RBM41: variants seen among roughly 807,000 people sequenced by gnomAD.
RBM41 encodes RNA binding motif protein 41.
A neutral mutation model predicts 30.8 loss-of-function variants in RBM41; 14 were observed. That is an observed-to-expected ratio of 0.45 (90% confidence interval 0.30 to 0.71). The LOEUF (loss-of-function observed/expected upper bound fraction) is 0.71. RBM41 is among the 30% of genes least tolerant of loss of function. The pLI is 0.08. For synonymous variants in RBM41, 120 were observed against 110.1 expected, an observed-to-expected ratio of 1.09 and a Z score of -0.56; for missense variants, 276 against 326.3, an observed-to-expected ratio of 0.85 and a Z score of 1.19.
At chrX:107,075,529 C>G (rs1347627698) in intron 6 of RBM41, among the ~76,000 whole-genome samples, 2 of 111,778 alleles carry the variant, frequency 1.8e-5, no homozygotes, top group African/African-American at 3.2e-5. Flanking sequence ...ATAAGGAACT[C>G]TACAACTTGA....
At chrX:107,100,775 C>T (rs1432513167) in intron 5 of RBM41, among the ~76,000 whole-genome samples, 1 of 111,281 alleles carries the variant, frequency 9.0e-6, no homozygotes, top group Admixed American at 9.6e-5. Flanking sequence ...CTCCTGCACA[C>T]GTGTCCCAGA....
chrX:107,092,934 T>TAAG (rs1225002144), intron 5 of RBM41, among the ~76,000 whole-genome samples: 1 of 111,921 alleles, frequency 8.9e-6, no homozygotes, highest in African/African-American at 3.2e-5. Context: ...TTGCTATTTA[T>TAAG]AATTGCCCAG....
Position 107,097,150 on chromosome X carries a change from T to C in RBM41, c.596-8311A>G, listed in dbSNP as rs772183403. ...AAAATGATACAACCACATTAGGAAA[T>C]AGTCAATTCCTCAAATTGGTTATAC... On this transcript the variant is annotated intron_variant, in intron 5 of 7. Coordinates refer to ENST00000685964, the MANE Select transcript of RBM41 (RefSeq NM_001324242.2). Among the ~76,000 whole-genome samples, 52 of 111,871 alleles carry C rather than the reference T, an allele frequency of 4.6e-4. 1 individual carries two copies. The highest frequency in any genetic ancestry group is 2.8e-4 in the East Asian group (1 of 3,570).
intron 7 of RBM41, among the ~76,000 whole-genome samples, chrX:107,067,902 A>C (rs1200113492): frequency 2.7e-5 from 3 of 111,852 alleles, no homozygotes; most frequent in African/African-American, 9.7e-5. Context: ...AAAACTCAAA[A>C]TCGGTGTTTG....
chrX:107,110,743 G>A (rs905857104), intron 5 of RBM41, among the ~76,000 whole-genome samples: 1 of 111,412 alleles, frequency 9.0e-6, no homozygotes, highest in African/African-American at 3.2e-5. Flanking sequence ...ATAAAGACAG[G>A]TATATATAGT....
intron 5 of RBM41, among the ~76,000 whole-genome samples, chrX:107,103,689 T>C (rs1429195251): frequency 3.6e-5 from 4 of 111,897 alleles, no homozygotes; most frequent in South Asian, 7.5e-4. Flanking sequence ...CATACGACAA[T>C]ATGAATGAAT....
downstream of RBM41, among the ~76,000 whole-genome samples, chrX:107,060,253 GAA>G (rs368454963): frequency 1.0e-5 from 1 of 96,416 alleles, no homozygotes. Context: ...AATATAGAGT[GAA>G]AAAAAAAAAA....
At chrX:107,083,944 A>G (rs1309708312) in intron 6 of RBM41, among the ~76,000 whole-genome samples, 1 of 106,621 alleles carries the variant, frequency 9.4e-6, no homozygotes. Context: ...CATACGTTAT[A>G]ATTTCTTTTG....
intron 5 of RBM41, among the ~76,000 whole-genome samples, chrX:107,096,161 A>C (rs1417851393): frequency 8.9e-6 from 1 of 112,688 alleles, no homozygotes; most frequent in East Asian, 2.8e-4. Flanking sequence ...TTGTATTAAA[A>C]GATTAATGAT....
chrX:107,118,736 TTGC>T (rs1317390023), intron 1 of RBM41, 27 bp downstream of exon 1: 2 of 1,209,751 alleles, frequency 1.7e-6, no homozygotes, highest in African/African-American at 1.7e-5. Flanking sequence ...AAAGCTCCCC[TTGC>T]CGCCTGCTCT....
Position 107,079,290 on chromosome X carries a change from T to C in RBM41, c.999+9146A>G, listed in dbSNP as rs185815267. On this transcript the variant is annotated intron_variant, in intron 6 of 7. Transcript: ENST00000685964. ...CTGTAAACCATTATCACATGGATCA[T>C]TTCAGCTTCCTCCCTTTACTTATCT... Among the ~76,000 whole-genome samples the C allele has an allele frequency of 4.5e-3, 507 of 112,427 alleles. 2 individuals are homozygous for C. The highest frequency in any genetic ancestry group is 0.016 in the African/African-American group (485 of 31,014).
intron 5 of RBM41, among the ~76,000 whole-genome samples, chrX:107,093,406 A>G (rs768242409): frequency 4.7e-4 from 53 of 112,214 alleles, no homozygotes; most frequent in African/African-American, 1.6e-3. Flanking sequence ...TGTAACCACA[A>G]TGGACATACA....
intron 5 of RBM41, among the ~76,000 whole-genome samples, chrX:107,111,330 C>T (rs1208615898): frequency 1.8e-5 from 2 of 111,108 alleles, no homozygotes; most frequent in Non-Finnish European, 3.8e-5. Context: ...GAAATCAAAA[C>T]CACAATAAGA....
Position 107,062,378 on chromosome X carries a change from TCTAC to T in RBM41, c.*5145_*5148del, listed in dbSNP as rs972940200. Among the ~76,000 whole-genome samples the T allele has an allele frequency of 6.5e-4, 73 of 111,739 alleles. No homozygotes were observed. Among genetic ancestry groups the T allele is most frequent in the African/African-American group, 2.2e-3 (69 of 30,811 alleles). ...CTAGTAAAAAGCAGAGGTGAAATTT[TCTAC>T]CTAACAGGAAGCACTTCCTTCTAAA... On this transcript the variant is annotated 3_prime_UTR_variant, in exon 8 of 8. Coordinates refer to ENST00000685964, the MANE Select transcript of RBM41 (RefSeq NM_001324242.2).
Position 107,065,948 on chromosome X carries a change from G to A in RBM41, c.*1579C>T, listed in dbSNP as rs773094296. 1.6e-4 allele frequency among the ~76,000 whole-genome samples: 18 copies of A among 112,167 alleles called. No individual in the cohort carries two copies. Among genetic ancestry groups the A allele is most frequent in the Non-Finnish European group, 2.6e-4 (14 of 53,148 alleles). On this transcript the variant is annotated 3_prime_UTR_variant, in exon 8 of 8. Coordinates refer to ENST00000685964, the MANE Select transcript of RBM41 (RefSeq NM_001324242.2). ...TGCATGTGTGTAGATTCAGATTACT[G>A]TCTGTGGTCACTTGCTTTCAGGCTG...
At position 107,063,952 on chromosome X, in the gene RBM41, CTTTTTTT is replaced by C. The variant is rs1202676973; in HGVS notation, c.*3568_*3574del. 1.1e-5 allele frequency among the ~76,000 whole-genome samples: 1 copy of C among 90,915 alleles called. No individual in the cohort carries two copies. Among genetic ancestry groups the C allele is most frequent in the Non-Finnish European group, 2.2e-5 (1 of 45,752 alleles). The allele number at this position is 90,915 out of a possible 115,157, so 78.9% of individuals were successfully genotyped here. On this transcript the variant is annotated 3_prime_UTR_variant, in exon 8 of 8. Transcript: ENST00000685964. ...AGGTTAGTGCTATGGTCTTTCTTTT[CTTTTTTT>C]TTTTTTTTTTGAGATGGAGTCTCGC...
intron 5 of RBM41, among the ~76,000 whole-genome samples, chrX:107,112,264 G>A (rs1441668632): frequency 9.0e-6 from 1 of 111,384 alleles, no homozygotes; most frequent in East Asian, 2.8e-4. Context: ...TATAAGGATG[G>A]CAAATAAGCA....
chrX:107,055,448 C>G, the RBM41 span, among the ~76,000 whole-genome samples: 3 of 111,674 alleles, frequency 2.7e-5, no homozygotes, highest in Non-Finnish European at 5.6e-5. Context: ...CCTCAGCCTC[C>G]CGAGTAGCTG....
rs1307191930 is a variant in RBM41 at position 107,062,730 on chromosome X, A to G, written c.*4797T>C. ...TGAAAGTCCTCCTTCAGCCTATTCAATCCCACTTCCAAAGGTTTATAACTT... is the reference window on the plus strand; with the variant it reads ...TGAAAGTCCTCCTTCAGCCTATTCAGTCCCACTTCCAAAGGTTTATAACTT... On this transcript the variant is annotated 3_prime_UTR_variant, in exon 8 of 8. Transcript: ENST00000685964. Among the ~76,000 whole-genome samples, 3 of 111,899 alleles carry G rather than the reference A, an allele frequency of 2.7e-5. No homozygotes were observed. Among genetic ancestry groups the G allele is most frequent in the Admixed American group, 9.4e-5 (1 of 10,589 alleles).
Sources: gnomAD v4.1 joint callset for allele counts (sites outside exome capture counted in the v4.1 genomes callset) on GRCh38, gnomAD v4.1.1 for gene constraint, MANE v1.5 for transcripts, NCBI Gene and HGNC (gene_info 2026-07-23, HGNC 2026-07-21) for gene names.